Variants in ADAM10 observed in about 807,000 individuals in gnomAD.
The protein encoded by ADAM10 is disintegrin and metalloproteinase domain-containing protein 10.
A neutral mutation model predicts 90.1 loss-of-function variants in ADAM10; 17 were observed. The observed-to-expected ratio is 0.19, with a 90% CI of 0.13 to 0.28. The LOEUF is 0.28. Among genes scored for constraint, ADAM10 ranks in the 10% least tolerant of loss-of-function variants. The pLI, the probability that ADAM10 is intolerant of heterozygous loss-of-function variation, is 1.00. For missense variants in ADAM10, 610 were observed against 914.3 expected, an observed-to-expected ratio of 0.67 and a Z score of 4.29; for synonymous variants, 310 against 298.6, an observed-to-expected ratio of 1.04 and a Z score of -0.40.
At chr15:58,634,898 T>C (rs1005952722) in intron 8 of ADAM10, among the ~76,000 whole-genome samples, 2 of 152,086 alleles carry the variant, frequency 1.3e-5, no homozygotes, top group Non-Finnish European at 2.9e-5. Flanking sequence ...GAATCCCTAA[T>C]AAAGCATGTA....
intron 5 of ADAM10, among the ~76,000 whole-genome samples, chr15:58,659,503 G>A (rs185426051): frequency 1.3e-5 from 2 of 152,084 alleles, no homozygotes; most frequent in African/African-American, 4.8e-5. Context: ...TGTTTATGTG[G>A]TGGATTACAC....
chr15:58,734,870 A>G (rs1899376512), intron 1 of ADAM10, among the ~76,000 whole-genome samples: 1 of 152,182 alleles, frequency 6.6e-6, no homozygotes, highest in Non-Finnish European at 1.5e-5. Context: ...ATATACATAT[A>G]CCCTTGATTT....
At chr15:58,610,615 T>C (rs575151766) in intron 13 of ADAM10, 98 bp from the exon 14 acceptor site, 1 of 1,164,806 alleles carries the variant, frequency 8.6e-7, no homozygotes, top group South Asian at 1.3e-5. Flanking sequence ...GAAAAAAAAC[T>C]GAAATCATTA....
intron 5 of ADAM10, among the ~76,000 whole-genome samples, chr15:58,664,683 GA>G (rs1897039456): frequency 1.3e-5 from 2 of 151,954 alleles, no homozygotes; most frequent in South Asian, 4.1e-4. Context: ...ATTAAAATAC[GA>G]AAAGTCCTGA....
rs1211344455 is a variant in ADAM10 at position 58,621,551 on chromosome 15, G to A, written c.1431C>T (p.Asp477=). The A allele has an allele frequency of 6.2e-7, 1 of 1,613,952 alleles. No individual in the cohort carries two copies. The highest frequency in any genetic ancestry group is 1.7e-5 in the Admixed American group (1 of 60,014). Residue 477 remains aspartate (D), a synonymous_variant, in exon 11 of 16, where the codon GAC becomes GAT. Coordinates refer to ENST00000260408, the MANE Select transcript of ADAM10 (RefSeq NM_001110.4). ...CGAAGCAGCATTCATCTTTACACTG[G>A]TCACTATAGCCACAATCACATTCTT... ...QGEECDCGYS[D]QCKDECCFDA...
chr15:58,630,311 A>C (rs1896068718), intron 9 of ADAM10, among the ~76,000 whole-genome samples: 1 of 152,240 alleles, frequency 6.6e-6, no homozygotes, highest in South Asian at 2.1e-4. Flanking sequence ...AGATTTCAAC[A>C]GGCAGACATG....
At chr15:58,728,208 T>G (rs1490892652) in intron 1 of ADAM10, among the ~76,000 whole-genome samples, 1 of 152,156 alleles carries the variant, frequency 6.6e-6, no homozygotes, top group Non-Finnish European at 1.5e-5. Context: ...ATATTAGGAA[T>G]TTACATTTCT....
chr15:58,696,978 T>C (rs1897997942), intron 2 of ADAM10, among the ~76,000 whole-genome samples: 1 of 151,984 alleles, frequency 6.6e-6, no homozygotes, highest in African/African-American at 2.4e-5. Flanking sequence ...TCCACTTACA[T>C]CCCCACCTAC....
chr15:58,643,302 A>G (rs1205511777), intron 7 of ADAM10, among the ~76,000 whole-genome samples: 3 of 152,144 alleles, frequency 2.0e-5, no homozygotes, highest in Non-Finnish European at 4.4e-5. Context: ...GTTGATGTTA[A>G]TATATTTTTT....
intron 9 of ADAM10, among the ~76,000 whole-genome samples, chr15:58,631,158 C>T (rs533474382): frequency 6.6e-6 from 1 of 152,266 alleles, no homozygotes; most frequent in African/African-American, 2.4e-5. Flanking sequence ...TTACCAGAAG[C>T]TGAGTAGATG....
At chr15:58,633,471 C>A in intron 8 of ADAM10, 112 bp from the exon 9 acceptor site, 2 of 934,210 alleles carry the variant, frequency 2.1e-6, no homozygotes, top group South Asian at 1.6e-5. Flanking sequence ...TAAAATAGAA[C>A]TGGTACTCAA....
At chr15:58,641,212 T>C (rs766720906) in intron 7 of ADAM10, among the ~76,000 whole-genome samples, 19 of 152,220 alleles carry the variant, frequency 1.2e-4, no homozygotes, top group Non-Finnish European at 2.4e-4. Flanking sequence ...TCTGAGCAAG[T>C]ATTCACCAGA....
intron 1 of ADAM10, chr15:58,748,599 C>A (rs753144596): frequency 1.4e-4 from 33 of 239,460 alleles, no homozygotes; most frequent in Non-Finnish European, 2.2e-4. Flanking sequence ...TTTGACAATC[C>A]ACTAACTACA....
At chr15:58,605,976 G>A (rs1255787216) in intron 14 of ADAM10, among the ~76,000 whole-genome samples, 1 of 152,070 alleles carries the variant, frequency 6.6e-6, no homozygotes, top group Non-Finnish European at 1.5e-5. Flanking sequence ...GTGCATGAGC[G>A]AGGACAGGGA....
intron 5 of ADAM10, among the ~76,000 whole-genome samples, chr15:58,647,261 T>C (rs1172403253): frequency 5.5e-5 from 6 of 108,862 alleles, no homozygotes; most frequent in African/African-American, 1.7e-4. Flanking sequence ...TTTTTTTTTT[T>C]TTTTTTTTTT....
chr15:58,716,190 A>G (rs1898652832), intron 2 of ADAM10, among the ~76,000 whole-genome samples: 1 of 152,248 alleles, frequency 6.6e-6, no homozygotes, highest in South Asian at 2.1e-4. Flanking sequence ...TAAGTTTCAC[A>G]GCATTCCTAA....
chr15:58,749,381 G>A, intron 1 of ADAM10, 99 bp downstream of exon 1: 4 of 1,264,774 alleles, frequency 3.2e-6, no homozygotes, highest in South Asian at 3.0e-5. Context: ...CGGCTGGGCT[G>A]ACTGACGCGC....
intron 2 of ADAM10, among the ~76,000 whole-genome samples, chr15:58,704,554 A>G (rs1300584209): frequency 1.3e-5 from 2 of 152,188 alleles, no homozygotes; most frequent in African/African-American, 4.8e-5. Context: ...TCATTTTACT[A>G]CAATAAAAAT....
intron 2 of ADAM10, among the ~76,000 whole-genome samples, chr15:58,684,419 G>C (rs1490980151): frequency 6.6e-6 from 1 of 152,168 alleles, no homozygotes; most frequent in Admixed American, 6.5e-5. Context: ...TCACCAGAAA[G>C]ATCAAATAAT....
Sources: allele counts gnomAD v4.1 joint callset (sites outside exome capture counted in the v4.1 genomes callset), GRCh38; gene constraint gnomAD v4.1.1; transcripts MANE v1.5; gene names NCBI Gene and HGNC (gene_info 2026-07-23, HGNC 2026-07-21).